ADAT2: variants seen among roughly 807,000 people sequenced by gnomAD.
ADAT2 encodes the protein adenosine deaminase tRNA specific 2.
A neutral mutation model predicts 25.9 loss-of-function variants in ADAT2; 26 were observed. That is an observed-to-expected ratio of 1.00 (90% CI 0.74 to 1.39). ADAT2 has a LOEUF of 1.39. Among genes scored for constraint, ADAT2 ranks in the 40% most tolerant of loss-of-function variants. The pLI, the probability that ADAT2 is intolerant of heterozygous loss-of-function variation, is 0.00. For synonymous variants in ADAT2, 76 were observed against 86.8 expected (o/e 0.88, Z 0.69); for missense variants, 220 against 244.8 (o/e 0.90, Z 0.68).
At position 143,446,647 on chromosome 6, in the gene ADAT2, G is replaced by C. The variant is rs978873862; in HGVS notation, c.96+3916C>G. ...TAAAGAAACTGAAAAGGAAGAAAGA[G>C]AGCAGAGGATATGTTGGCAAGCAGT... On this transcript the variant is annotated intron_variant, in intron 1 of 5. Transcript: ENST00000237283. The surrounding 1 kb of genome is among the most constrained non-coding windows in gnomAD (Gnocchi z 5.0). 6.6e-6 allele frequency among the ~76,000 whole-genome samples: 1 copy of C among 152,056 alleles called. No homozygotes were observed. Among genetic ancestry groups the C allele is most frequent in the Admixed American group, 6.6e-5 (1 of 15,258 alleles).
rs1036605465 is a variant in ADAT2, at chr6:143,423,362, T to C, written c.*5101A>G. The C allele has an allele frequency of 3.3e-5, 5 of 152,238 alleles. No homozygotes were observed. The highest frequency in any genetic ancestry group is 5.9e-5 in the Non-Finnish European group (4 of 68,044). 9.4% of individuals were successfully genotyped at this position (152,238 alleles called of 1,614,324 possible). A position where few individuals can be genotyped will look rare whatever the true frequency, so the allele number is the denominator to read the frequency against. ...AAATATTATCCTTCTTTTGATTTTT[T>C]TTCAATCACTCAGAATTGTAAGACC... is the stretch of plus-strand genomic sequence containing the variant. On this transcript the variant is annotated 3_prime_UTR_variant, in exon 6 of 6. Coordinates refer to ENST00000237283, the MANE Select transcript of ADAT2 (RefSeq NM_182503.3).
In ADAT2 at chr6:143,432,691, C is replaced by T; in HGVS notation, c.353-80G>A. On this transcript the variant is annotated intron_variant, in intron 3 of 5. Coordinates refer to ENST00000237283, the MANE Select transcript of ADAT2 (RefSeq NM_182503.3). This position sits in a 1 kb window ranked among gnomAD's most constrained non-coding sequence, Gnocchi z 4.4. ...CAAAATCAGAGTAGGTTTATACCAG[C>T]CATCCTGGAGAGGAACGCTCATGCT... The T allele has an allele frequency of 7.3e-7, 1 of 1,372,110 alleles. No individual in the cohort carries two copies. The highest frequency in any genetic ancestry group is 1.2e-5 in the South Asian group (1 of 84,586). 85.0% of individuals were successfully genotyped at this position (1,372,110 alleles called of 1,614,324 possible).
At position 143,428,334 on chromosome 6, in the gene ADAT2, TGA is replaced by T; in HGVS notation, c.*127_*128del. On this transcript the variant is annotated 3_prime_UTR_variant, in exon 6 of 6. Coordinates refer to ENST00000237283, the MANE Select transcript of ADAT2 (RefSeq NM_182503.3). The surrounding 1 kb of genome is among the most constrained non-coding windows in gnomAD (Gnocchi z 5.0). Reference sequence around the variant, plus strand: ...TTTGTTCCCTTAACAGAGCAAATGATGAGAGACACCATTTTCCTGCAGATTAA... The same window carrying T: ...TTTGTTCCCTTAACAGAGCAAATGATGAGACACCATTTTCCTGCAGATTAA... The T allele has an allele frequency of 1.9e-6, 2 of 1,030,688 alleles. No homozygotes were observed. The highest frequency in any genetic ancestry group is 3.3e-5 in the South Asian group (2 of 59,854). The allele number at this position is 1,030,688 out of a possible 1,614,324, so 63.8% of individuals were successfully genotyped here.
In ADAT2 at chr6:143,428,279, T is replaced by A. The variant is rs1444519161; in HGVS notation, c.*184A>T. On this transcript the variant is annotated 3_prime_UTR_variant, in exon 6 of 6. Transcript: ENST00000237283. This position sits in a 1 kb window ranked among gnomAD's most constrained non-coding sequence, Gnocchi z 5.0. ...GCTTCTGGAAAAGCTAATAACTGTT[T>A]ACAATTGTCAGACTTCTAAAAAGTG... 1.6e-6 allele frequency: 1 copy of A among 641,672 alleles called. No homozygotes were observed. Among genetic ancestry groups the A allele is most frequent in the African/African-American group, 1.8e-5 (1 of 54,408 alleles). 39.7% of individuals were successfully genotyped at this position (641,672 alleles called of 1,614,324 possible). A position where few individuals can be genotyped will look rare whatever the true frequency, so the allele number is the denominator to read the frequency against.
In ADAT2 at chr6:143,433,998, G is replaced by A. The variant is rs1190062544; in HGVS notation, c.202-17C>T. 3 of 1,613,044 alleles carry A rather than the reference G, an allele frequency of 1.9e-6. No individual in the cohort carries two copies. The highest frequency in any genetic ancestry group is 2.5e-6 in the Non-Finnish European group (3 of 1,179,850). On this transcript the variant is annotated splice_polypyrimidine_tract_variant and intron_variant, in intron 2 of 5. Transcript: ENST00000237283. ...TCGAGTAGCCTGAAAAGAGAAAGGG[G>A]CTTGCACTGATGCTGTTTGCTTCAT... is the stretch of plus-strand genomic sequence containing the variant.
At chr6:143,449,513 G>A (rs553116416) in intron 1 of ADAT2, among the ~76,000 whole-genome samples, 1 of 152,222 alleles carries the variant, frequency 6.6e-6, no homozygotes, top group South Asian at 2.1e-4. Flanking sequence ...GCTGCTTCTT[G>A]GGTTTTAGCA....
At position 143,428,468 on chromosome 6, in the gene ADAT2, A is replaced by T; in HGVS notation, c.571T>A (p.Ser191Thr). Reference sequence around the variant, plus strand: ...GTTCTTTCATCAGAACATGTTCAAGATTTCTGACATTCCTTTTTCCGAACT... The same window carrying T: ...GTTCTTTCATCAGAACATGTTCAAGTTTTCTGACATTCCTTTTTCCGAACT... ...SKVRKKECQK[S>T] Residue 191 changes from serine (S) to threonine (T), a missense_variant, in exon 6 of 6, where the codon TCT becomes ACT. Physicochemically the swap from Ser to Thr is moderately conservative, Grantham distance 58 (BLOSUM62 1). Transcript: ENST00000237283. The surrounding 1 kb of genome is among the most constrained non-coding windows in gnomAD (Gnocchi z 5.0). 1 of 1,613,708 alleles carries T rather than the reference A, an allele frequency of 6.2e-7. No homozygotes were observed.
At chr6:143,430,805 T>A (rs1779089941) in intron 4 of ADAT2, among the ~76,000 whole-genome samples, 1 of 152,162 alleles carries the variant, frequency 6.6e-6, no homozygotes, top group Non-Finnish European at 1.5e-5. Flanking sequence ...GACCTCATGA[T>A]CTGCCCGCCT....
At chr6:143,430,509 T>C (rs902110900) in intron 4 of ADAT2, among the ~76,000 whole-genome samples, 3 of 152,174 alleles carry the variant, frequency 2.0e-5, no homozygotes, top group African/African-American at 7.2e-5. Flanking sequence ...TTATTTACAT[T>C]TTCAAGTATC....
rs1053392828 is a variant in ADAT2, at chr6:143,437,536, A to G, written c.201+1054T>C. 5.9e-5 allele frequency among the ~76,000 whole-genome samples: 9 copies of G among 152,186 alleles called. No individual in the cohort carries two copies. Among genetic ancestry groups the G allele is most frequent in the African/African-American group, 1.9e-4 (8 of 41,450 alleles). Reference sequence around the variant, plus strand: ...GCATTGCAAATGAAATACCATGTTTATTCCAGTTTATTTTACTGTGGTGTT... The same window carrying G: ...GCATTGCAAATGAAATACCATGTTTGTTCCAGTTTATTTTACTGTGGTGTT... On this transcript the variant is annotated intron_variant, in intron 2 of 5. Coordinates refer to ENST00000237283, the MANE Select transcript of ADAT2 (RefSeq NM_182503.3). The surrounding 1 kb of genome is among the most constrained non-coding windows in gnomAD (Gnocchi z 4.1).
rs1388799458 is a variant in ADAT2, at chr6:143,430,312, G to T, written c.460-1628C>A. ...CAACCATTGCTGCTCAGGAGAACCA[G>T]TTGGAACTCTCTGGAAACACAGCAC... On this transcript the variant is annotated intron_variant, in intron 4 of 5. Coordinates refer to ENST00000237283, the MANE Select transcript of ADAT2 (RefSeq NM_182503.3). Among the ~76,000 whole-genome samples, 3 of 152,276 alleles carry T rather than the reference G, an allele frequency of 2.0e-5. No homozygotes were observed. In the East Asian group the frequency reaches 5.8e-4, roughly 29 times the overall value.
chr6:143,431,413 A>C (rs1187292411), intron 4 of ADAT2, among the ~76,000 whole-genome samples: 1 of 152,262 alleles, frequency 6.6e-6, no homozygotes, highest in Admixed American at 6.5e-5. Context: ...ATATGGAGTC[A>C]GCAATTCATT....
In ADAT2 at chr6:143,444,210, C is replaced by T. The variant is rs771544095; in HGVS notation, c.97-5516G>A. The stretch of plus-strand genomic sequence containing the variant: ...TAACACAGTTTTTTTTCCTGAAATG[C>T]CTTCCACTGCTGTCCGAAACAGAGA... On this transcript the variant is annotated intron_variant, in intron 1 of 5. Transcript: ENST00000237283. This position sits in a 1 kb window ranked among gnomAD's most constrained non-coding sequence, Gnocchi z 4.3. Among the ~76,000 whole-genome samples, 13 of 152,082 alleles carry T rather than the reference C, an allele frequency of 8.5e-5. No individual in the cohort carries two copies. The highest frequency in any genetic ancestry group is 1.9e-4 in the Non-Finnish European group (13 of 68,028).
rs1326936944 is a variant in ADAT2, at chr6:143,423,360, T to G, written c.*5103A>C. ...CTAAATATTATCCTTCTTTTGATTT[T>G]TTTTCAATCACTCAGAATTGTAAGA... On this transcript the variant is annotated 3_prime_UTR_variant, in exon 6 of 6. Transcript: ENST00000237283. The G allele has an allele frequency of 6.6e-6, 1 of 152,228 alleles. No homozygotes were observed. The allele number at this position is 152,228 out of a possible 1,614,324, so 9.4% of individuals were successfully genotyped here. A position where few individuals can be genotyped will look rare whatever the true frequency, so the allele number is the denominator to read the frequency against.
Position 143,424,460 on chromosome 6 carries a change from T to G in ADAT2, c.*4003A>C, listed in dbSNP as rs1778872535. On this transcript the variant is annotated 3_prime_UTR_variant, in exon 6 of 6. Coordinates refer to ENST00000237283, the MANE Select transcript of ADAT2 (RefSeq NM_182503.3). This position sits in a 1 kb window ranked among gnomAD's most constrained non-coding sequence, Gnocchi z 4.8. ...TTTGAAAGTAGCAGTGCTTACAACA[T>G]TTTAAGTCTAGATGTCTCTATGGAA... is the stretch of plus-strand genomic sequence containing the variant. The G allele has an allele frequency of 6.6e-6, 1 of 152,188 alleles. No homozygotes were observed. The allele number at this position is 152,188 out of a possible 1,614,324, so 9.4% of individuals were successfully genotyped here.
chr6:143,430,713 C>G (rs915939295), intron 4 of ADAT2, among the ~76,000 whole-genome samples: 1 of 151,880 alleles, frequency 6.6e-6, no homozygotes, highest in Non-Finnish European at 1.5e-5. Context: ...TCACAGGCGC[C>G]CGCCACCATG....
In ADAT2 at chr6:143,435,361, GGTGGCGACTGGGTA is replaced by G. The variant is rs745670925; in HGVS notation, c.202-1394_202-1381del. 7.2e-3 allele frequency among the ~76,000 whole-genome samples: 1,103 copies of G among 152,242 alleles called. 11 individuals carry two copies. Among genetic ancestry groups the G allele is most frequent in the African/African-American group, 0.024 (1,001 of 41,546 alleles). ...ACATACAGCTGGGAGAGGAGGTGGT[GGTGGCGACTGGGTA>G]GTGGTGGTGGTATCAGATCCAAAAG... On this transcript the variant is annotated intron_variant, in intron 2 of 5. Coordinates refer to ENST00000237283, the MANE Select transcript of ADAT2 (RefSeq NM_182503.3).
In ADAT2 at chr6:143,447,888, A is replaced by G. The variant is rs1779642379; in HGVS notation, c.96+2675T>C. ...AAATGCCATTTGACCCAGCCATCCC[A>G]TTACTGAGCATATACCCAAAGGATT... On this transcript the variant is annotated intron_variant, in intron 1 of 5. Transcript: ENST00000237283. 2.0e-5 allele frequency among the ~76,000 whole-genome samples: 3 copies of G among 152,314 alleles called. No homozygotes were observed. The South Asian group carries it at 6.2e-4, about 32-fold the overall frequency.
chr6:143,445,237 G>A (rs979199580), intron 1 of ADAT2, among the ~76,000 whole-genome samples: 2 of 151,744 alleles, frequency 1.3e-5, no homozygotes, highest in Non-Finnish European at 2.9e-5. Context: ...TTGGCCAACC[G>A]AACCAACCTA....
Sources: gnomAD v4.1 joint callset for allele counts (sites outside exome capture counted in the v4.1 genomes callset) on GRCh38, gnomAD v4.1.1 for gene constraint, Gnocchi (gnomAD v3.1) non-coding constraint, MANE v1.5 for transcripts, NCBI Gene and HGNC (gene_info 2026-07-23, HGNC 2026-07-21) for gene names.